Variants in LY86 observed in about 807,000 individuals in gnomAD.
LY86 encodes MD-1, RP105-associated.
Under a neutral mutation model 17.3 loss-of-function variants are expected in LY86, and 20 were observed. The observed-to-expected ratio is 1.15, with a 90% CI of 0.81 to 1.68. The LOEUF (loss-of-function observed/expected upper bound fraction) is 1.68. Among genes scored for constraint, LY86 ranks in the 40% most tolerant of loss-of-function variants. The pLI, the probability that LY86 is intolerant of heterozygous loss-of-function variation, is 0.00. For synonymous variants in LY86, 74 were observed against 70.6 expected, an observed-to-expected ratio of 1.05 and a Z score of -0.24; for missense variants, 200 against 191.9, an observed-to-expected ratio of 1.04 and a Z score of -0.25.
intron 1 of LY86, among the ~76,000 whole-genome samples, chr6:6,623,955 A>G (rs933860682): frequency 6.6e-6 from 1 of 152,252 alleles, no homozygotes. Context: ...ACACTTTACC[A>G]AGAATGCCAG....
chr6:6,608,233 TGC>T (rs1229571883), intron 1 of LY86, among the ~76,000 whole-genome samples: 2 of 152,256 alleles, frequency 1.3e-5, no homozygotes, highest in African/African-American at 4.8e-5. Flanking sequence ...TACTATTATG[TGC>T]ATATAATATG....
chr6:6,615,700 T>G (rs1581243624), intron 1 of LY86, among the ~76,000 whole-genome samples: 1 of 130,252 alleles, frequency 7.7e-6, no homozygotes, highest in Non-Finnish European at 1.6e-5. Flanking sequence ...CCAGCCTGGG[T>G]GACAGTGAGA....
At chr6:6,616,883 G>A (rs934111051) in intron 1 of LY86, among the ~76,000 whole-genome samples, 7 of 152,174 alleles carry the variant, frequency 4.6e-5, no homozygotes, top group African/African-American at 1.7e-4. Context: ...AGACAAATGC[G>A]TAAGAACCGC....
intron 1 of LY86, among the ~76,000 whole-genome samples, chr6:6,612,564 C>G (rs902392283): frequency 2.0e-5 from 3 of 152,072 alleles, no homozygotes; most frequent in African/African-American, 7.2e-5. Flanking sequence ...CCAGTTGTCA[C>G]TAGTGGAGCC....
intron 4 of LY86, among the ~76,000 whole-genome samples, chr6:6,654,173 T>G (rs1020573780): frequency 3.3e-5 from 5 of 152,202 alleles, no homozygotes; most frequent in Non-Finnish European, 5.9e-5. Flanking sequence ...CACTGCACCT[T>G]CTTGCATCTG....
chr6:6,595,340 T>G (rs1581229218), intron 1 of LY86, among the ~76,000 whole-genome samples: 18 of 121,644 alleles, frequency 1.5e-4, no homozygotes, highest in East Asian at 1.2e-3. Flanking sequence ...AGGAGAGAAA[T>G]GAGAAGCAGG....
intron 1 of LY86, among the ~76,000 whole-genome samples, chr6:6,623,030 A>C (rs1360889704): frequency 6.6e-6 from 1 of 152,232 alleles, no homozygotes; most frequent in Non-Finnish European, 1.5e-5. Context: ...TTTTCGTAAC[A>C]GTAAAATGAG....
At chr6:6,617,703 C>G (rs962780978) in intron 1 of LY86, among the ~76,000 whole-genome samples, 1 of 152,196 alleles carries the variant, frequency 6.6e-6, no homozygotes, top group Non-Finnish European at 1.5e-5. Context: ...TGTCTCTCAC[C>G]CATAAGACAG....
intron 1 of LY86, among the ~76,000 whole-genome samples, chr6:6,612,567 G>C (rs1053359188): frequency 6.6e-6 from 1 of 151,936 alleles, no homozygotes; most frequent in Admixed American, 6.6e-5. Context: ...GTTGTCACTA[G>C]TGGAGCCTGC....
At chr6:6,625,144 C>T in intron 2 of LY86, 132 bp downstream of exon 2, 1 of 519,056 alleles carries the variant, frequency 1.9e-6, no homozygotes, top group Non-Finnish European at 3.4e-6. Flanking sequence ...GGAATTAACT[C>T]TATTTATATC....
At chr6:6,646,283 T>A (rs997964618) in intron 3 of LY86, among the ~76,000 whole-genome samples, 3 of 151,990 alleles carry the variant, frequency 2.0e-5, no homozygotes, top group African/African-American at 4.8e-5. Context: ...CAAGCCCAGA[T>A]AGTCTGACCC....
intron 3 of LY86, among the ~76,000 whole-genome samples, chr6:6,637,008 T>TTG (rs1554126150): frequency 6.8e-6 from 1 of 146,816 alleles, no homozygotes; most frequent in East Asian, 2.0e-4. Flanking sequence ...ATATTGGTTT[T>TTG]TTTTTTTTTT....
chr6:6,632,610 CCATA>C (rs1761912121), intron 3 of LY86, among the ~76,000 whole-genome samples: 1 of 152,154 alleles, frequency 6.6e-6, no homozygotes, highest in Non-Finnish European at 1.5e-5. Flanking sequence ...AGCAGCCAGT[CCATA>C]ACATCTCACA....
intron 1 of LY86, among the ~76,000 whole-genome samples, chr6:6,610,543 AG>A (rs59618443): frequency 0.046 from 5,030 of 108,746 alleles, 292 homozygotes; most frequent in African/African-American, 0.14. Flanking sequence ...ACGGAAGCTT[AG>A]GGGGGGGCAA....
At chr6:6,652,906 A>G (rs3804490) in intron 4 of LY86, among the ~76,000 whole-genome samples, 42,713 of 152,150 alleles carry the variant, frequency 0.28, 6,445 homozygotes, top group African/African-American at 0.39. Context: ...GTGTTGTTCA[A>G]TACATTTGTA....
chr6:6,617,197 G>A (rs571044315), intron 1 of LY86, among the ~76,000 whole-genome samples: 4 of 152,346 alleles, frequency 2.6e-5, no homozygotes, highest in East Asian at 1.9e-4. Flanking sequence ...TAATCTGGTC[G>A]CTACTTAACC....
intron 1 of LY86, among the ~76,000 whole-genome samples, chr6:6,613,404 C>T (rs868143141): frequency 7.2e-5 from 11 of 152,228 alleles, no homozygotes; most frequent in African/African-American, 2.2e-4. Context: ...AGACTTCAGG[C>T]ATGGTGGGCT....
intron 1 of LY86, among the ~76,000 whole-genome samples, chr6:6,622,261 T>C (rs143328603): frequency 2.4e-4 from 37 of 152,364 alleles, no homozygotes; most frequent in African/African-American, 8.4e-4. Flanking sequence ...TGATTCTTTC[T>C]ATCTATACCT....
At chr6:6,612,619 C>G (rs1436762327) in intron 1 of LY86, among the ~76,000 whole-genome samples, 1 of 152,240 alleles carries the variant, frequency 6.6e-6, no homozygotes, top group Admixed American at 6.5e-5. Context: ...CCACATCCTG[C>G]TGATTGGTCC....
Sources: gnomAD v4.1 joint callset for allele counts (sites outside exome capture counted in the v4.1 genomes callset) on GRCh38, gnomAD v4.1.1 for gene constraint, MANE v1.5 for transcripts, NCBI Gene and HGNC (gene_info 2026-07-23, HGNC 2026-07-21) for gene names.